Variants in FYN observed in about 807,000 individuals in gnomAD.
FYN encodes the protein FYN proto-oncogene, Src family tyrosine kinase, also known as tyrosine-protein kinase Fyn.
FYN carries 10 observed loss-of-function variants against 70.2 expected under a neutral mutation model. That is an observed-to-expected ratio of 0.14 (90% CI 0.09 to 0.24). The LOEUF (loss-of-function observed/expected upper bound fraction) is 0.24. Among genes scored for constraint, FYN ranks in the 10% least tolerant of loss-of-function variants. FYN has a pLI of 1.00. For missense variants in FYN, 319 were observed against 673.1 expected (o/e 0.47, Z 5.82); for synonymous variants, 236 against 248.6 (o/e 0.95, Z 0.48).
At chr6:111,764,846 C>T (rs1486876500) in intron 3 of FYN, among the ~76,000 whole-genome samples, 3 of 152,222 alleles carry the variant, frequency 2.0e-5, no homozygotes, top group African/African-American at 7.2e-5. Flanking sequence ...ATGTCACCCT[C>T]CTGTTCTAGT....
At chr6:111,720,107 A>G (rs200755488) in intron 3 of FYN, 45 bp from the exon 4 acceptor site, 181 of 1,545,400 alleles carry the variant, frequency 1.2e-4, no homozygotes, top group Non-Finnish European at 1.5e-4. Context: ...GATGCTCCCT[A>G]GTTGCTGGGT....
intron 2 of FYN, among the ~76,000 whole-genome samples, chr6:111,826,131 T>TG (rs1215301541): frequency 6.6e-6 from 1 of 152,150 alleles, no homozygotes; most frequent in Non-Finnish European, 1.5e-5. Flanking sequence ...GCCAGAGGAC[T>TG]GTCAGGTTCC....
chr6:111,721,645 T>G (rs1405216751), intron 3 of FYN, among the ~76,000 whole-genome samples: 1 of 152,076 alleles, frequency 6.6e-6, no homozygotes, highest in African/African-American at 2.4e-5. Context: ...CCTCAGGTGA[T>G]CCGCCCGCCT....
intron 2 of FYN, among the ~76,000 whole-genome samples, chr6:111,806,136 T>C (rs12526016): frequency 0.047 from 7,146 of 152,288 alleles, 359 homozygotes; most frequent in African/African-American, 0.13. Context: ...TAATTTAGAT[T>C]GTAGAAAACA....
At chr6:111,854,776 T>C (rs1252372647) in intron 1 of FYN, among the ~76,000 whole-genome samples, 1 of 152,208 alleles carries the variant, frequency 6.6e-6, no homozygotes, top group Non-Finnish European at 1.5e-5. Context: ...ATGATGAACA[T>C]AAATTCACAC....
At chr6:111,765,774 TAA>T (rs35232125) in intron 3 of FYN, among the ~76,000 whole-genome samples, 1,649 of 142,084 alleles carry the variant, frequency 0.012, 13 homozygotes, top group Non-Finnish European at 0.016. Flanking sequence ...GACTAGAAAT[TAA>T]AAAAAAAAAA....
chr6:111,685,446 A>G (rs757863317), intron 12 of FYN, among the ~76,000 whole-genome samples: 7 of 152,186 alleles, frequency 4.6e-5, no homozygotes, highest in Non-Finnish European at 1.0e-4. Context: ...CCCCTTTTCA[A>G]TCTGGTACAG....
chr6:111,830,778 G>C (rs1378900255), intron 2 of FYN, among the ~76,000 whole-genome samples: 1 of 152,122 alleles, frequency 6.6e-6, no homozygotes. Flanking sequence ...AGGATATAAG[G>C]GGATGAGCTG....
intron 1 of FYN, among the ~76,000 whole-genome samples, chr6:111,852,152 C>A (rs1470978333): frequency 1.3e-5 from 2 of 152,108 alleles, no homozygotes; most frequent in African/African-American, 4.8e-5. Flanking sequence ...AGAGGGGGTT[C>A]CATTATCATA....
chr6:111,829,166 G>A (rs952431955), intron 2 of FYN, among the ~76,000 whole-genome samples: 2 of 152,198 alleles, frequency 1.3e-5, no homozygotes, highest in African/African-American at 4.8e-5. Flanking sequence ...AGAGGCAGGC[G>A]AGATTCCAGA....
At chr6:111,729,004 G>T (rs182615985) in intron 3 of FYN, among the ~76,000 whole-genome samples, 1 of 152,220 alleles carries the variant, frequency 6.6e-6, no homozygotes, top group Admixed American at 6.5e-5. Flanking sequence ...ATACAATTTA[G>T]ATTAGTGAGA....
At chr6:111,752,142 A>C (rs1344205307) in intron 3 of FYN, among the ~76,000 whole-genome samples, 1 of 152,234 alleles carries the variant, frequency 6.6e-6, no homozygotes, top group Non-Finnish European at 1.5e-5. Flanking sequence ...AAATATGTTA[A>C]TACTGAATTT....
At chr6:111,799,493 G>A (rs983540075) in intron 2 of FYN, among the ~76,000 whole-genome samples, 6 of 152,200 alleles carry the variant, frequency 3.9e-5, no homozygotes, top group Non-Finnish European at 5.9e-5. Flanking sequence ...GACAGAGAAA[G>A]TGCAACTCTA....
intron 10 of FYN, among the ~76,000 whole-genome samples, chr6:111,695,040 A>G (rs1037117178): frequency 3.9e-5 from 6 of 152,228 alleles, no homozygotes; most frequent in Admixed American, 3.9e-4. Context: ...TTCCCCAATC[A>G]CCCCTGCACA....
chr6:111,689,859 A>C (rs1195704640), intron 12 of FYN, among the ~76,000 whole-genome samples: 2 of 152,128 alleles, frequency 1.3e-5, no homozygotes, highest in Non-Finnish European at 1.5e-5. Context: ...TCAGGGGCAT[A>C]TATGTACATA....
At chr6:111,747,942 T>C (rs1401964135) in intron 3 of FYN, among the ~76,000 whole-genome samples, 1 of 152,248 alleles carries the variant, frequency 6.6e-6, no homozygotes, top group Non-Finnish European at 1.5e-5. Flanking sequence ...AGCCTCAGCG[T>C]CTATACTCAT....
At chr6:111,780,283 A>C (rs1314351159) in intron 3 of FYN, among the ~76,000 whole-genome samples, 2 of 152,232 alleles carry the variant, frequency 1.3e-5, no homozygotes, top group African/African-American at 4.8e-5. Flanking sequence ...CTGGCTTAGC[A>C]CATAAACTGC....
intron 3 of FYN, among the ~76,000 whole-genome samples, chr6:111,752,903 C>A (rs1249425828): frequency 6.6e-6 from 1 of 152,114 alleles, no homozygotes; most frequent in Non-Finnish European, 1.5e-5. Context: ...GGGCTGTGAA[C>A]TGGTGGAATG....
Position 111,661,580 on chromosome 6 carries a change from T to C in FYN, c.*159A>G. ...GGAGGTTCGGATTTGGGGACAAGTGTCATTAATGAGGGCCATGGAAGTTCG... is the reference window on the plus strand; with the variant it reads ...GGAGGTTCGGATTTGGGGACAAGTGCCATTAATGAGGGCCATGGAAGTTCG... On this transcript the variant is annotated 3_prime_UTR_variant, in exon 14 of 14. Coordinates refer to ENST00000354650, the MANE Select transcript of FYN (RefSeq NM_002037.5). The surrounding 1 kb of genome is among the most constrained non-coding windows in gnomAD (Gnocchi z 4.0). The C allele has an allele frequency of 1.5e-6, 1 of 652,844 alleles. No homozygotes were observed. Among genetic ancestry groups the C allele is most frequent in the South Asian group, 1.9e-5 (1 of 52,054 alleles). The allele number at this position is 652,844 out of a possible 1,614,324, so 40.4% of individuals were successfully genotyped here. A position where few individuals can be genotyped will look rare whatever the true frequency, so the allele number is the denominator to read the frequency against.
Sources: allele counts gnomAD v4.1 joint callset (sites outside exome capture counted in the v4.1 genomes callset), GRCh38; gene constraint gnomAD v4.1.1; non-coding constraint Gnocchi (gnomAD v3.1); transcripts MANE v1.5; gene names NCBI Gene and HGNC (gene_info 2026-07-23, HGNC 2026-07-21).